PCDHA13: variants seen among roughly 807,000 people sequenced by gnomAD.
PCDHA13 encodes protocadherin alpha-13.
A neutral mutation model predicts 64.8 loss-of-function variants in PCDHA13; 54 were observed. The ratio of observed to expected loss-of-function variants is 0.83; its 90% CI spans 0.67 to 1.04. The LOEUF (loss-of-function observed/expected upper bound fraction) is 1.04. Ranked by LOEUF, PCDHA13 falls within the 50% of genes least tolerant of loss-of-function variation. The pLI, the probability that PCDHA13 is intolerant of heterozygous loss-of-function variation, is 0.00. For missense variants in PCDHA13, 1,248 were observed against 1,254.3 expected (o/e 0.99, Z 0.08); for synonymous variants, 587 against 564.4 (o/e 1.04, Z -0.57).
intron 1 of PCDHA13, among the ~76,000 whole-genome samples, chr5:140,906,736 AT>A (rs1330405649): frequency 6.6e-6 from 1 of 152,132 alleles, no homozygotes; most frequent in Non-Finnish European, 1.5e-5. Flanking sequence ...GTAGTTTCCC[AT>A]TGACACAGGG....
intron 3 of PCDHA13, among the ~76,000 whole-genome samples, chr5:141,003,899 A>G (rs1288060303): frequency 1.3e-5 from 2 of 152,200 alleles, no homozygotes; most frequent in East Asian, 1.9e-4. Context: ...AGGCCCATTC[A>G]TTTGGGTCTT....
Position 140,882,798 on chromosome 5 carries a change from A to G in PCDHA13, c.530A>G (p.Tyr177Cys). 1 of 1,614,236 alleles carries G rather than the reference A, an allele frequency of 6.2e-7. No individual in the cohort carries two copies. Among genetic ancestry groups the G allele is most frequent in the South Asian group, 1.1e-5 (1 of 91,090 alleles). ...ALTYRLDPNDYFTLDAQNSLE... is the reference protein window; with the variant it reads ...ALTYRLDPNDCFTLDAQNSLE... ...ACCTACCGACTGGATCCCAACGATT[A>G]TTTCACTTTGGACGCACAAAACAGT... Residue 177 changes from tyrosine (Y) to cysteine (C), a missense_variant, in exon 1 of 4, where the codon TAT becomes TGT. Coordinates refer to ENST00000289272, the MANE Select transcript of PCDHA13 (RefSeq NM_018904.3).
intron 1 of PCDHA13, among the ~76,000 whole-genome samples, chr5:140,922,896 A>C (rs551056851): frequency 1.6e-3 from 238 of 152,336 alleles, no homozygotes; most frequent in Non-Finnish European, 2.0e-3. Context: ...TTCAAGAAAA[A>C]ATTTTGAGAT....
At chr5:140,920,851 A>C (rs1370021063) in intron 1 of PCDHA13, among the ~76,000 whole-genome samples, 1 of 152,008 alleles carries the variant, frequency 6.6e-6, no homozygotes, top group Non-Finnish European at 1.5e-5. Flanking sequence ...TAAAAAAAAA[A>C]AAAAAAACAA....
rs1554262965 is a variant in PCDHA13 at position 141,010,497 on chromosome 5, T to A, written c.*560T>A. Reference sequence around the variant, plus strand: ...AAGTGTAAACTTAAAGGGACCAGACTTTCTAAATCTTACAACTCAAGAGGT... The same window carrying A: ...AAGTGTAAACTTAAAGGGACCAGACATTCTAAATCTTACAACTCAAGAGGT... On this transcript the variant is annotated 3_prime_UTR_variant, in exon 4 of 4. Coordinates refer to ENST00000289272, the MANE Select transcript of PCDHA13 (RefSeq NM_018904.3). The A allele has an allele frequency of 1.7e-6, 1 of 584,358 alleles. No homozygotes were observed. Among genetic ancestry groups the A allele is most frequent in the African/African-American group, 1.9e-5 (1 of 53,100 alleles). 36.2% of individuals were successfully genotyped at this position (584,358 alleles called of 1,614,324 possible).
intron 2 of PCDHA13, among the ~76,000 whole-genome samples, chr5:140,979,943 T>A (rs2153820467): frequency 6.6e-6 from 1 of 152,364 alleles, no homozygotes; most frequent in Admixed American, 6.5e-5. Context: ...GTAGAGTTAA[T>A]GTGAAATTAG....
chr5:140,907,235 T>C, intron 1 of PCDHA13, among the ~76,000 whole-genome samples: 1 of 152,234 alleles, frequency 6.6e-6, no homozygotes, highest in East Asian at 1.9e-4. Context: ...TGTCACCTAG[T>C]TGACATTGTA....
intron 1 of PCDHA13, among the ~76,000 whole-genome samples, chr5:140,936,136 G>A (rs1393112473): frequency 2.0e-5 from 3 of 152,184 alleles, no homozygotes; most frequent in Admixed American, 1.3e-4. Context: ...TAAGTGATCT[G>A]CCCGCCTTGG....
At chr5:141,002,174 C>T (rs2098063920) in intron 3 of PCDHA13, among the ~76,000 whole-genome samples, 1 of 152,224 alleles carries the variant, frequency 6.6e-6, no homozygotes, top group Non-Finnish European at 1.5e-5. Context: ...AGGCAGGCTC[C>T]AGAGTGCTGT....
At chr5:140,924,906 T>A (rs199645977) in intron 1 of PCDHA13, among the ~76,000 whole-genome samples, 5,369 of 55,724 alleles carry the variant, frequency 0.096, 112 homozygotes, top group Non-Finnish European at 0.11. Context: ...AAAAAAAAAA[T>A]AAAATAAAAT....
intron 3 of PCDHA13, among the ~76,000 whole-genome samples, chr5:140,998,827 G>T (rs2097835809): frequency 6.6e-6 from 1 of 152,226 alleles, no homozygotes; most frequent in South Asian, 2.1e-4. Context: ...GCCTCCCAAA[G>T]TGCTGGATTA....
chr5:140,934,534 G>A (rs1248269957), intron 1 of PCDHA13, among the ~76,000 whole-genome samples: 1 of 152,062 alleles, frequency 6.6e-6, no homozygotes, highest in Admixed American at 6.6e-5. Flanking sequence ...GAGAGCTACC[G>A]TTCTAATTCT....
At position 140,882,152 on chromosome 5, in the gene PCDHA13, G is replaced by A. The variant is rs1582595300; in HGVS notation, c.-117G>A. 1.3e-6 allele frequency: 2 copies of A among 1,505,314 alleles called. No individual in the cohort carries two copies. The highest frequency in any genetic ancestry group is 8.9e-7 in the Non-Finnish European group (1 of 1,126,402). 93.2% of individuals were successfully genotyped at this position (1,505,314 alleles called of 1,614,324 possible). ...CCTGCAGAAAATATAGCAGAAAGCG[G>A]AATACCTCTTGCGAATCCTTCCGCA... On this transcript the variant is annotated 5_prime_UTR_variant, in exon 1 of 4. Transcript: ENST00000289272.
intron 1 of PCDHA13, among the ~76,000 whole-genome samples, chr5:140,920,775 T>G (rs1007654952): frequency 5.4e-5 from 8 of 147,470 alleles, no homozygotes; most frequent in African/African-American, 1.8e-4. Context: ...ACCTGGGAGG[T>G]GGAGGTTGCA....
intron 1 of PCDHA13, among the ~76,000 whole-genome samples, chr5:140,941,183 T>C (rs2092749314): frequency 8.3e-6 from 1 of 120,094 alleles, no homozygotes; most frequent in African/African-American, 3.0e-5. Flanking sequence ...AACATCCTGC[T>C]TCTTTTTTTT....
intron 1 of PCDHA13, among the ~76,000 whole-genome samples, chr5:140,891,369 A>G (rs13168533): frequency 0.051 from 7,710 of 152,068 alleles, 281 homozygotes; most frequent in Non-Finnish European, 0.073. Context: ...AGCAGTATAC[A>G]TTGCACCATA....
At chr5:140,961,176 C>A (rs782677581) in intron 1 of PCDHA13, among the ~76,000 whole-genome samples, 16 of 152,182 alleles carry the variant, frequency 1.1e-4, no homozygotes, top group Admixed American at 2.0e-4. Context: ...ACCTTATGTA[C>A]TCCTCACAGG....
chr5:140,927,748 G>A lies in PCDHA13; in HGVS notation c.2394+43086G>A, dbSNP rs782605586. Reference sequence around the variant, plus strand: ...AGCAGAGCTGCGACACCGCTTTCACGTGCACCCTAAAAGTGGGGAGGTGCA... The same window carrying A: ...AGCAGAGCTGCGACACCGCTTTCACATGCACCCTAAAAGTGGGGAGGTGCA... On this transcript the variant is annotated intron_variant, in intron 1 of 3. Transcript: ENST00000289272. 53 of 1,614,088 alleles carry A rather than the reference G, an allele frequency of 3.3e-5. No homozygotes were observed. The South Asian group carries it at 5.7e-4, about 17-fold the overall frequency.
At chr5:140,936,869 A>C (rs1249048598) in intron 1 of PCDHA13, among the ~76,000 whole-genome samples, 3 of 152,168 alleles carry the variant, frequency 2.0e-5, no homozygotes, top group Non-Finnish European at 4.4e-5. Context: ...TTCTATTTTA[A>C]AAAACCCTGC....
Sources: gnomAD v4.1 joint callset for allele counts (sites outside exome capture counted in the v4.1 genomes callset) on GRCh38, gnomAD v4.1.1 for gene constraint, MANE v1.5 for transcripts, NCBI Gene and HGNC (gene_info 2026-07-23, HGNC 2026-07-21) for gene names.